The following ERG variants were observed in gnomAD, a reference collection of about 807,000 sequenced individuals.
The protein encoded by ERG is transcriptional regulator ERG.
ERG carries 9 observed loss-of-function variants against 55.3 expected under a neutral mutation model. The observed-to-expected ratio is 0.16, with a 90% CI of 0.10 to 0.28. ERG has a LOEUF of 0.28. Ranked by LOEUF, ERG falls within the 10% of genes least tolerant of loss-of-function variation. The pLI is 1.00. For synonymous variants in ERG, 223 were observed against 237.3 expected, an observed-to-expected ratio of 0.94 and a Z score of 0.55; for missense variants, 434 against 631.6, an observed-to-expected ratio of 0.69 and a Z score of 3.35.
At chr21:38,395,008 T>C (rs1988141177) in intron 6 of ERG, among the ~76,000 whole-genome samples, 1 of 152,226 alleles carries the variant, frequency 6.6e-6, no homozygotes, top group Non-Finnish European at 1.5e-5. Context: ...CTTCATATGG[T>C]GTATAACCAT....
At chr21:38,607,249 T>C (rs1266051704) in intron 1 of ERG, among the ~76,000 whole-genome samples, 1 of 152,166 alleles carries the variant, frequency 6.6e-6, no homozygotes, top group African/African-American at 2.4e-5. Context: ...CCAAAAGATT[T>C]TACTACTTAC....
intron 1 of ERG, among the ~76,000 whole-genome samples, chr21:38,456,428 A>T (rs2058990087): frequency 6.6e-6 from 1 of 152,198 alleles, no homozygotes; most frequent in Non-Finnish European, 1.5e-5. Context: ...CTTCAATAAT[A>T]ATAATAAATA....
chr21:38,623,811 G>T (rs1437571315), intron 1 of ERG, among the ~76,000 whole-genome samples: 1 of 152,100 alleles, frequency 6.6e-6, no homozygotes, highest in Non-Finnish European at 1.5e-5. Flanking sequence ...TGACCCATGG[G>T]GAGCATCATT....
chr21:38,442,468 C>T lies in ERG; in HGVS notation c.236+2936G>A, dbSNP rs552607960. On this transcript the variant is annotated intron_variant, in intron 2 of 9. Coordinates refer to ENST00000288319, the MANE Select transcript of ERG (RefSeq NM_182918.4). ...ATGTTTCCCGGAAAGAGACCCTCAG[C>T]GCAGCACCAGCCTTTCACTTGCCTG... 2.4e-4 allele frequency among the ~76,000 whole-genome samples: 36 copies of T among 152,326 alleles called. No homozygotes were observed. In the South Asian group the frequency reaches 2.9e-3, roughly 12 times the overall value.
intron 2 of ERG, among the ~76,000 whole-genome samples, chr21:38,444,217 G>A (rs1355753125): frequency 6.6e-6 from 1 of 152,210 alleles, no homozygotes; most frequent in Non-Finnish European, 1.5e-5. Flanking sequence ...AGCTTCAACA[G>A]AGTGGAAAAT....
intron 2 of ERG, among the ~76,000 whole-genome samples, chr21:38,432,020 A>G (rs1472995324): frequency 1.3e-5 from 2 of 152,242 alleles, no homozygotes; most frequent in Non-Finnish European, 2.9e-5. Flanking sequence ...GTAATTAAAA[A>G]AGGAGAAAAC....
At chr21:38,432,209 C>T (rs543062592) in intron 2 of ERG, among the ~76,000 whole-genome samples, 1 of 152,264 alleles carries the variant, frequency 6.6e-6, no homozygotes, top group East Asian at 1.9e-4. Context: ...ATCCTCTTGC[C>T]TCAGCCTCCC....
At chr21:38,371,129 T>A in the ERG span, among the ~76,000 whole-genome samples, 1 of 152,094 alleles carries the variant, frequency 6.6e-6, no homozygotes, top group Non-Finnish European at 1.5e-5. Flanking sequence ...CTCTTGCATA[T>A]CTTTATAGAA....
chr21:38,520,811 A>G (rs1403205731), intron 2 of ERG, among the ~76,000 whole-genome samples: 1 of 152,216 alleles, frequency 6.6e-6, no homozygotes, highest in East Asian at 1.9e-4. Flanking sequence ...AACAACTGCG[A>G]AAATAGTGTT....
chr21:38,513,216 TATTC>T (rs960004369), intron 2 of ERG, among the ~76,000 whole-genome samples: 1 of 152,062 alleles, frequency 6.6e-6, no homozygotes, highest in African/African-American at 2.4e-5. Context: ...GGTTGAAGCT[TATTC>T]ATTGAGACAA....
chr21:38,631,993 TATATTTA>T (rs1236440296), intron 1 of ERG, among the ~76,000 whole-genome samples: 2 of 152,008 alleles, frequency 1.3e-5, no homozygotes, highest in African/African-American at 4.8e-5. Context: ...AACCTTCCCT[TATATTTA>T]ATATTTATTA....
At chr21:38,384,664 A>T (rs1987607939) in intron 9 of ERG, among the ~76,000 whole-genome samples, 1 of 152,224 alleles carries the variant, frequency 6.6e-6, no homozygotes, top group Non-Finnish European at 1.5e-5. Context: ...GTCAAGTAAG[A>T]TAATAAAAGT....
intron 1 of ERG, among the ~76,000 whole-genome samples, chr21:38,601,885 T>C (rs1050500994): frequency 1.3e-5 from 2 of 152,092 alleles, no homozygotes; most frequent in African/African-American, 2.4e-5. Flanking sequence ...TTATTTTTAT[T>C]TTTATTTTTA....
At chr21:38,521,169 T>G (rs957203477) in intron 2 of ERG, among the ~76,000 whole-genome samples, 2 of 151,996 alleles carry the variant, frequency 1.3e-5, no homozygotes, top group African/African-American at 4.8e-5. Context: ...GCATCAGAGA[T>G]TCATGGACAC....
intron 2 of ERG, among the ~76,000 whole-genome samples, chr21:38,529,962 G>C (rs140269854): frequency 6.6e-6 from 1 of 152,032 alleles, no homozygotes; most frequent in Non-Finnish European, 1.5e-5. Context: ...GCGAAACTCC[G>C]TCTCAAAAAT....
chr21:38,506,914 GGAT>G (rs2059465538), intron 2 of ERG, among the ~76,000 whole-genome samples: 2 of 152,098 alleles, frequency 1.3e-5, no homozygotes, highest in African/African-American at 4.8e-5. Flanking sequence ...TTCTACAGAA[GGAT>G]AATTAAGGCA....
intron 2 of ERG, among the ~76,000 whole-genome samples, chr21:38,516,444 A>G (rs1175111557): frequency 1.3e-5 from 2 of 151,960 alleles, no homozygotes; most frequent in African/African-American, 2.4e-5. Context: ...ACTACAAAAC[A>G]CTAATGAAAG....
chr21:38,458,815 G>T (rs1328464938), intron 1 of ERG, among the ~76,000 whole-genome samples: 1 of 152,058 alleles, frequency 6.6e-6, no homozygotes, highest in Admixed American at 6.6e-5. Context: ...CTCATCTCCT[G>T]CTCTCTTCTC....
At position 38,490,124 on chromosome 21, in the gene ERG, T is replaced by C. The variant is rs371026684; in HGVS notation, c.18+8239A>G. On this transcript the variant is annotated intron_variant, in intron 1 of 9. Transcript: ENST00000288319. ...ATGCAGATCAGGTGCTCGTGAATAA[T>C]TGGGAGCTCACTGTGTCTGTCAGAG... is the stretch of plus-strand genomic sequence containing the variant. Among the ~76,000 whole-genome samples the C allele has an allele frequency of 3.5e-4, 53 of 152,296 alleles. 1 individual carries two copies. The highest frequency in any genetic ancestry group is 1.2e-3 in the African/African-American group (48 of 41,562).
Sources: allele counts gnomAD v4.1 joint callset (sites outside exome capture counted in the v4.1 genomes callset), GRCh38; gene constraint gnomAD v4.1.1; transcripts MANE v1.5; gene names NCBI Gene and HGNC (gene_info 2026-07-23, HGNC 2026-07-21).